The following OXR1 variants were observed in gnomAD, a reference collection of about 807,000 sequenced individuals.
OXR1 encodes oxidation resistance 1.
OXR1 carries 41 observed loss-of-function variants against 104.6 expected under a neutral mutation model. That is an observed-to-expected ratio of 0.39 (90% confidence interval 0.31 to 0.51). OXR1 has a LOEUF of 0.51. Among genes scored for constraint, OXR1 ranks in the 20% least tolerant of loss-of-function variants. The pLI, the probability that OXR1 is intolerant of heterozygous loss-of-function variation, is 0.77. For synonymous variants in OXR1, 348 were observed against 348.4 expected (o/e 1.00, Z 0.01); for missense variants, 955 against 1,031.9 (o/e 0.93, Z 1.02).
intron 2 of OXR1, among the ~76,000 whole-genome samples, chr8:106,406,987 T>A (rs1818268436): frequency 6.6e-6 from 1 of 152,130 alleles, no homozygotes; most frequent in Non-Finnish European, 1.5e-5. Flanking sequence ...ACTCTGGCTG[T>A]GCGAGAGTGG....
chr8:106,326,059 G>T (rs866668526), intron 1 of OXR1, among the ~76,000 whole-genome samples: 14 of 152,162 alleles, frequency 9.2e-5, no homozygotes, highest in Admixed American at 3.3e-4. Flanking sequence ...AAAGTCAGTT[G>T]CTTTGCTGTC....
At chr8:106,667,305 A>C (rs1414088255) in intron 3 of OXR1, among the ~76,000 whole-genome samples, 4 of 152,208 alleles carry the variant, frequency 2.6e-5, no homozygotes, top group Non-Finnish European at 1.5e-5. Flanking sequence ...AGGACTCTAC[A>C]TCATTCTGTT....
At chr8:106,307,141 A>G (rs1813495147) in intron 1 of OXR1, among the ~76,000 whole-genome samples, 1 of 152,218 alleles carries the variant, frequency 6.6e-6, no homozygotes, top group Non-Finnish European at 1.5e-5. Context: ...CAGAGTTGGT[A>G]GCCAACAAGT....
At chr8:106,501,986 G>A (rs1208553865) in intron 2 of OXR1, among the ~76,000 whole-genome samples, 1 of 152,116 alleles carries the variant, frequency 6.6e-6, no homozygotes, top group Non-Finnish European at 1.5e-5. Context: ...TGACTTGCAG[G>A]ATGTAATTTA....
In OXR1 at chr8:106,276,631, T is replaced by C. The variant is rs186777965; in HGVS notation, c.-139+6264T>C. On this transcript the variant is annotated intron_variant, in intron 1 of 16. Coordinates refer to ENST00000517566, the MANE Select transcript of OXR1 (RefSeq NM_001198533.2). Reference sequence around the variant, plus strand: ...TTTTCAAAATCTCCATCCAAACCTCTTTCTCAAGAGCATGCTTATTTTCTT... The same window carrying C: ...TTTTCAAAATCTCCATCCAAACCTCCTTCTCAAGAGCATGCTTATTTTCTT... Among the ~76,000 whole-genome samples, 10 of 152,276 alleles carry C rather than the reference T, an allele frequency of 6.6e-5. No homozygotes were observed. In the East Asian group the frequency reaches 1.9e-3, roughly 29 times the overall value.
At chr8:106,728,600 A>G (rs144130095) in intron 11 of OXR1, among the ~76,000 whole-genome samples, 1 of 152,294 alleles carries the variant, frequency 6.6e-6, no homozygotes, top group East Asian at 1.9e-4. Flanking sequence ...TGAGAACCAT[A>G]TTGATCAAGC....
intron 3 of OXR1, among the ~76,000 whole-genome samples, chr8:106,597,008 G>A (rs967292346): frequency 6.6e-6 from 1 of 151,260 alleles, no homozygotes; most frequent in Non-Finnish European, 1.5e-5. Flanking sequence ...AGCTGAGATC[G>A]CACCACTGCA....
At chr8:106,412,926 T>A (rs907942440) in intron 2 of OXR1, among the ~76,000 whole-genome samples, 5 of 152,072 alleles carry the variant, frequency 3.3e-5, no homozygotes. Flanking sequence ...CACAATGTGT[T>A]ATAGAAATTT....
At chr8:106,622,775 T>C (rs1225830815) in intron 3 of OXR1, among the ~76,000 whole-genome samples, 1 of 152,204 alleles carries the variant, frequency 6.6e-6, no homozygotes, top group Non-Finnish European at 1.5e-5. Context: ...TTTTTCTTTT[T>C]CTCCTTACAC....
intron 2 of OXR1, among the ~76,000 whole-genome samples, chr8:106,455,536 T>C (rs1250642879): frequency 6.6e-6 from 1 of 152,094 alleles, no homozygotes; most frequent in Non-Finnish European, 1.5e-5. Flanking sequence ...AAATTAAGAG[T>C]CTGTGTCTGA....
chr8:106,738,869 T>A (rs1265933351), intron 12 of OXR1, among the ~76,000 whole-genome samples: 1 of 151,950 alleles, frequency 6.6e-6, no homozygotes, highest in Non-Finnish European at 1.5e-5. Context: ...ATGAAAAAAA[T>A]TAAATGTTTA....
At chr8:106,503,127 A>C (rs2129964692) in intron 2 of OXR1, among the ~76,000 whole-genome samples, 1 of 152,182 alleles carries the variant, frequency 6.6e-6, no homozygotes, top group African/African-American at 2.4e-5. Flanking sequence ...GAATATGTAG[A>C]AACTAAATAA....
At chr8:106,653,449 C>A (rs1047295514) in intron 3 of OXR1, among the ~76,000 whole-genome samples, 2 of 151,776 alleles carry the variant, frequency 1.3e-5, no homozygotes, top group African/African-American at 2.4e-5. Flanking sequence ...ATTTAATATA[C>A]AAATATTAAT....
intron 3 of OXR1, among the ~76,000 whole-genome samples, chr8:106,566,346 T>C (rs1368458926): frequency 1.3e-5 from 2 of 152,110 alleles, no homozygotes; most frequent in Non-Finnish European, 1.5e-5. Flanking sequence ...AAAACATTTA[T>C]GTGGCCAACT....
chr8:106,706,833 G>A lies in OXR1; in HGVS notation c.1312G>A (p.Glu438Lys), dbSNP rs1483984817. 2.5e-6 allele frequency: 4 copies of A among 1,612,742 alleles called. No homozygotes were observed. The highest frequency in any genetic ancestry group is 3.4e-6 in the Non-Finnish European group (4 of 1,179,700). The stretch of plus-strand genomic sequence containing the variant: ...CTTTCAAGGAATATCAGGTCCTAAA[G>A]AAGACAGCACAAGTATAAAAGGTAA... ...DNFQGISGPKEDSTSIKGNSD... is the reference protein window; with the variant it reads ...DNFQGISGPKKDSTSIKGNSD... Residue 438 changes from glutamate (E) to lysine (K), a missense_variant, in exon 9 of 17, where the codon GAA (glutamate) becomes AAA (lysine). Coordinates refer to ENST00000517566, the MANE Select transcript of OXR1 (RefSeq NM_001198533.2).
At chr8:106,698,298 T>C (rs1830264626) in intron 7 of OXR1, among the ~76,000 whole-genome samples, 1 of 152,226 alleles carries the variant, frequency 6.6e-6, no homozygotes, top group Non-Finnish European at 1.5e-5. Flanking sequence ...AAAAAATGTG[T>C]CTATCTTTGG....
chr8:106,581,001 A>C (rs1818183483), intron 3 of OXR1: 3 of 1,062,458 alleles, frequency 2.8e-6, no homozygotes, highest in Non-Finnish European at 3.4e-6. Context: ...TGTCTTACCC[A>C]GCACTAAAAG....
intron 1 of OXR1, among the ~76,000 whole-genome samples, chr8:106,297,966 C>G (rs1270812140): frequency 6.6e-6 from 1 of 152,270 alleles, no homozygotes; most frequent in African/African-American, 2.4e-5. Flanking sequence ...GATACATAAA[C>G]TTTATCCTGT....
intron 3 of OXR1, among the ~76,000 whole-genome samples, chr8:106,532,600 C>A (rs1814177283): frequency 6.6e-6 from 1 of 152,126 alleles, no homozygotes; most frequent in Non-Finnish European, 1.5e-5. Context: ...AGAACCAAAA[C>A]TAAGAGGCAG....
Sources: allele counts gnomAD v4.1 joint callset (sites outside exome capture counted in the v4.1 genomes callset), GRCh38; gene constraint gnomAD v4.1.1; transcripts MANE v1.5; gene names NCBI Gene and HGNC (gene_info 2026-07-23, HGNC 2026-07-21).